The following TSPAN2 variants were observed in gnomAD, a reference collection of about 807,000 sequenced individuals.
TSPAN2 encodes tetraspanin 2, also known as tetraspanin-2.
A neutral mutation model predicts 33.3 loss-of-function variants in TSPAN2; 24 were observed. The ratio of observed to expected loss-of-function variants is 0.72; its 90% confidence interval spans 0.52 to 1.01. The LOEUF (loss-of-function observed/expected upper bound fraction) is 1.01. TSPAN2 is among the 50% of genes least tolerant of loss of function. TSPAN2 has a pLI of 0.00. For missense variants in TSPAN2, 278 were observed against 281.3 expected (o/e 0.99, Z 0.08); for synonymous variants, 114 against 104.5 (o/e 1.09, Z -0.56).
chr1:115,066,119 G>A (rs1647940934), intron 2 of TSPAN2, among the ~76,000 whole-genome samples: 1 of 152,148 alleles, frequency 6.6e-6, no homozygotes, highest in African/African-American at 2.4e-5. Context: ...TTGTGTATAT[G>A]TACCACATTT....
At chr1:115,051,242 G>A (rs1233262543) in intron 7 of TSPAN2, among the ~76,000 whole-genome samples, 1 of 152,066 alleles carries the variant, frequency 6.6e-6, no homozygotes. Flanking sequence ...CCAGGAGGTC[G>A]AGGCTGCAGT....
At chr1:115,051,215 C>G (rs77274876) in intron 7 of TSPAN2, among the ~76,000 whole-genome samples, 13,655 of 151,776 alleles carry the variant, frequency 0.09, 766 homozygotes, top group South Asian at 0.16. Flanking sequence ...CAAGCTGAGG[C>G]GGGAGGATTA....
intron 2 of TSPAN2, among the ~76,000 whole-genome samples, chr1:115,067,471 C>T (rs1647995074): frequency 1.3e-5 from 2 of 152,268 alleles, no homozygotes; most frequent in East Asian, 3.9e-4. Flanking sequence ...TAAAAATGCT[C>T]TGGAGAAATT....
intron 1 of TSPAN2, among the ~76,000 whole-genome samples, chr1:115,077,361 G>A (rs1400683238): frequency 6.6e-6 from 1 of 152,042 alleles, no homozygotes; most frequent in Non-Finnish European, 1.5e-5. Context: ...TAAGAATGCA[G>A]GGAAAGGAAT....
chr1:115,077,670 T>C (rs1446988894), intron 1 of TSPAN2, among the ~76,000 whole-genome samples: 2 of 152,250 alleles, frequency 1.3e-5, no homozygotes, highest in Admixed American at 1.3e-4. Flanking sequence ...AAGCAGAGCT[T>C]GCTAATAGAT....
rs1289088766 is a variant in TSPAN2 at position 115,067,239 on chromosome 1, T to C, written c.173-5007A>G. On this transcript the variant is annotated intron_variant, in intron 2 of 7. Transcript: ENST00000369516. Reference sequence around the variant, plus strand: ...GAACAACAATGCTCTTAGCTAGAAATTGGTTCATTTTGCAATTTATAAATG... The same window carrying C: ...GAACAACAATGCTCTTAGCTAGAAACTGGTTCATTTTGCAATTTATAAATG... Among the ~76,000 whole-genome samples the C allele has an allele frequency of 2.6e-5, 4 of 152,188 alleles. No homozygotes were observed. The East Asian group carries it at 7.7e-4, about 29-fold the overall frequency.
Position 115,048,186 on chromosome 1 carries a change from T to TATAC in TSPAN2, c.*2303_*2304insGTAT, listed in dbSNP as rs1394172279. ...GTATATGTGTATGTATATATATATA[T>TATAC]ACACACACATCTGTATATACATACA... On this transcript the variant is annotated 3_prime_UTR_variant, in exon 8 of 8. Transcript: ENST00000369516. 4 of 150,286 alleles carry TATAC rather than the reference T, an allele frequency of 2.7e-5. No homozygotes were observed. In the East Asian group the frequency reaches 5.8e-4, roughly 22 times the overall value. 9.3% of individuals were successfully genotyped at this position (150,286 alleles called of 1,614,324 possible).
chr1:115,085,383 C>T (rs552548849), intron 1 of TSPAN2, among the ~76,000 whole-genome samples: 1 of 152,260 alleles, frequency 6.6e-6, no homozygotes, highest in South Asian at 2.1e-4. Context: ...AAACCAGGAG[C>T]ACAGCCTAGG....
intron 5 of TSPAN2, chr1:115,058,542 C>T: frequency 3.4e-6 from 1 of 291,998 alleles, no homozygotes; most frequent in Non-Finnish European, 6.3e-6. Context: ...TTACAGGTCA[C>T]ACTTGTTTCT....
chr1:115,072,093 CTT>C (rs1011690334), intron 2 of TSPAN2, among the ~76,000 whole-genome samples: 1 of 152,156 alleles, frequency 6.6e-6, no homozygotes, highest in African/African-American at 2.4e-5. Context: ...AATCTAGAGT[CTT>C]AGTCCACTTA....
Position 115,062,191 on chromosome 1 carries a change from C to T in TSPAN2, c.214G>A (p.Val72Met), listed in dbSNP as rs201998736. ...GCTCCGCAGCACCCGAAGAACCCCA[C>T]GGCCATCATCAGGGCCCCGGCTCCA... ...LVGAGALMMA[V>M]GFFGCCGAMR... The change falls in exon 3 of 8, where the codon GTG (valine) becomes ATG (methionine). Residue 72 changes from valine (V) to methionine (M), a missense_variant. Physicochemically the swap from Val to Met is conservative, Grantham distance 21. Coordinates refer to ENST00000369516, the MANE Select transcript of TSPAN2 (RefSeq NM_005725.6). The T allele has an allele frequency of 1.4e-5, 23 of 1,600,882 alleles. No homozygotes were observed. The highest frequency in any genetic ancestry group is 6.9e-5 in the Admixed American group (4 of 58,146).
At position 115,070,882 on chromosome 1, in the gene TSPAN2, G is replaced by A. The variant is rs376837590; in HGVS notation, c.172+2023C>T. On this transcript the variant is annotated intron_variant, in intron 2 of 7. Coordinates refer to ENST00000369516, the MANE Select transcript of TSPAN2 (RefSeq NM_005725.6). ...TTTATATTACAAGTTACATGGGGGC[G>A]GTTACAGAATTCTTATACATTTTTG... 5.2e-4 allele frequency among the ~76,000 whole-genome samples: 79 copies of A among 152,230 alleles called. 2 individuals are homozygous for A. The highest frequency in any genetic ancestry group is 6.8e-3 in the Middle Eastern group (2 of 294).
At position 115,071,119 on chromosome 1, in the gene TSPAN2, G is replaced by A. The variant is rs538288253; in HGVS notation, c.172+1786C>T. Among the ~76,000 whole-genome samples the A allele has an allele frequency of 6.6e-5, 10 of 152,224 alleles. No individual in the cohort carries two copies. The South Asian group carries it at 2.1e-3, about 32-fold the overall frequency. ...ATCCCAATCTTGTCCAAGTGTCACA[G>A]GTCCTATGGGGAGCCCAGGCCCCTC... On this transcript the variant is annotated intron_variant, in intron 2 of 7. Transcript: ENST00000369516.
In TSPAN2 at chr1:115,050,352, G is replaced by A. The variant is rs1050166658; in HGVS notation, c.*138C>T. ...TAAACCAGTAATGAGCCAAACATAC[G>A]TACTCATGCAAATGTACAATTGACA... On this transcript the variant is annotated 3_prime_UTR_variant, in exon 8 of 8. Coordinates refer to ENST00000369516, the MANE Select transcript of TSPAN2 (RefSeq NM_005725.6). The A allele has an allele frequency of 1.4e-5, 11 of 779,340 alleles. No homozygotes were observed. Among genetic ancestry groups the A allele is most frequent in the Admixed American group, 4.1e-5 (2 of 48,532 alleles). The allele number at this position is 779,340 out of a possible 1,614,324, so 48.3% of individuals were successfully genotyped here.
intron 1 of TSPAN2, among the ~76,000 whole-genome samples, chr1:115,074,278 A>C (rs1262132565): frequency 6.6e-6 from 1 of 152,194 alleles, no homozygotes; most frequent in Non-Finnish European, 1.5e-5. Flanking sequence ...CAGCTTATAA[A>C]GGACCCGGAA....
At chr1:115,081,462 C>A (rs962478799) in intron 1 of TSPAN2, among the ~76,000 whole-genome samples, 1 of 152,188 alleles carries the variant, frequency 6.6e-6, no homozygotes, top group Non-Finnish European at 1.5e-5. Flanking sequence ...TTCACCTCTT[C>A]TGGGTGTTCA....
chr1:115,087,692 G>C (rs1648897647), intron 1 of TSPAN2, among the ~76,000 whole-genome samples: 1 of 151,756 alleles, frequency 6.6e-6, no homozygotes, highest in Non-Finnish European at 1.5e-5. Context: ...TGTGATCTTA[G>C]GTGACTTAAC....
chr1:115,078,539 A>C (rs781505519), intron 1 of TSPAN2, among the ~76,000 whole-genome samples: 6 of 152,134 alleles, frequency 3.9e-5, no homozygotes, highest in Admixed American at 6.6e-5. Context: ...TGGGGCCATC[A>C]TGAGGGACTA....
intron 1 of TSPAN2, among the ~76,000 whole-genome samples, chr1:115,082,361 C>T (rs1324948368): frequency 6.6e-6 from 1 of 152,196 alleles, no homozygotes; most frequent in African/African-American, 2.4e-5. Flanking sequence ...CATAGAGACA[C>T]AGCTCTGCCA....
Sources: allele counts gnomAD v4.1 joint callset (sites outside exome capture counted in the v4.1 genomes callset), GRCh38; gene constraint gnomAD v4.1.1; transcripts MANE v1.5; gene names NCBI Gene and HGNC (gene_info 2026-07-23, HGNC 2026-07-21).